CACNA2D1: variants seen among roughly 807,000 people sequenced by gnomAD.
CACNA2D1 encodes the protein voltage-dependent calcium channel subunit alpha-2/delta-1.
A neutral mutation model predicts 171.5 loss-of-function variants in CACNA2D1; 53 were observed. The ratio of observed to expected loss-of-function variants is 0.31; its 90% CI spans 0.25 to 0.39. The LOEUF is 0.39. Ranked by LOEUF, CACNA2D1 falls within the 10% of genes least tolerant of loss-of-function variation. CACNA2D1 has a pLI of 1.00. For synonymous variants in CACNA2D1, 442 were observed against 443.1 expected, an observed-to-expected ratio of 1.00 and a Z score of 0.03; for missense variants, 903 against 1,299.8, an observed-to-expected ratio of 0.69 and a Z score of 4.69.
chr7:82,104,585 C>T (rs1356028939), intron 6 of CACNA2D1, among the ~76,000 whole-genome samples: 1 of 151,928 alleles, frequency 6.6e-6, no homozygotes, highest in Non-Finnish European at 1.5e-5. Context: ...TTTCTTACCC[C>T]TTATTTTTGG....
chr7:82,271,748 T>C (rs1348476252), intron 3 of CACNA2D1, among the ~76,000 whole-genome samples: 1 of 152,136 alleles, frequency 6.6e-6, no homozygotes, highest in Non-Finnish European at 1.5e-5. Context: ...GGTAAATGGC[T>C]AGACCAGCAA....
intron 2 of CACNA2D1, among the ~76,000 whole-genome samples, chr7:82,342,005 G>C (rs1364880165): frequency 7.4e-6 from 1 of 135,846 alleles, no homozygotes; most frequent in African/African-American, 2.7e-5. Flanking sequence ...AGTGAGCTGA[G>C]ATCGCGCCAC....
chr7:82,079,706 A>AG (rs1809455687), intron 7 of CACNA2D1, among the ~76,000 whole-genome samples: 2 of 151,864 alleles, frequency 1.3e-5, no homozygotes, highest in African/African-American at 2.4e-5. Flanking sequence ...AAAAAAAAAA[A>AG]AAAGTTGACG....
chr7:82,087,651 C>T (rs1810634778), intron 6 of CACNA2D1, among the ~76,000 whole-genome samples: 1 of 151,720 alleles, frequency 6.6e-6, no homozygotes, highest in Non-Finnish European at 1.5e-5. Context: ...GGTTATCTGC[C>T]TATATTTTTC....
At chr7:82,128,489 C>A (rs1367739766) in intron 5 of CACNA2D1, among the ~76,000 whole-genome samples, 1 of 152,158 alleles carries the variant, frequency 6.6e-6, no homozygotes, top group Non-Finnish European at 1.5e-5. Context: ...AACTTTCCCA[C>A]AAACTGACTA....
chr7:82,415,047 G>A (rs751197892), intron 1 of CACNA2D1, among the ~76,000 whole-genome samples: 14 of 152,034 alleles, frequency 9.2e-5, no homozygotes, highest in African/African-American at 2.2e-4. Context: ...AAAGCCTAAC[G>A]TTTCTCTTTA....
At chr7:82,209,292 A>C (rs1010032810) in intron 3 of CACNA2D1, among the ~76,000 whole-genome samples, 1 of 152,218 alleles carries the variant, frequency 6.6e-6, no homozygotes, top group Non-Finnish European at 1.5e-5. Context: ...TCATACATCT[A>C]TGTCCACTGA....
intron 10 of CACNA2D1, among the ~76,000 whole-genome samples, chr7:82,041,073 C>T (rs1014830300): frequency 3.3e-5 from 5 of 151,796 alleles, no homozygotes; most frequent in African/African-American, 1.2e-4. Flanking sequence ...GAGGGCAGAA[C>T]GAATGGACAG....
intron 32 of CACNA2D1, 50 bp downstream of exon 32, chr7:81,965,544 C>G (rs202062464): frequency 1.0e-6 from 1 of 953,136 alleles, no homozygotes; most frequent in Non-Finnish European, 1.7e-6. Context: ...AATGTTGATC[C>G]GGGAAACACA....
At chr7:82,340,386 G>C (rs1585566005) in intron 2 of CACNA2D1, among the ~76,000 whole-genome samples, 1 of 150,584 alleles carries the variant, frequency 6.6e-6, no homozygotes, top group Non-Finnish European at 1.5e-5. Flanking sequence ...GTTCAGGCTG[G>C]TCTTGAACTC....
At chr7:82,416,293 T>C (rs1828160691) in intron 1 of CACNA2D1, among the ~76,000 whole-genome samples, 1 of 152,118 alleles carries the variant, frequency 6.6e-6, no homozygotes, top group Admixed American at 6.6e-5. Context: ...TTGTGGTATA[T>C]GACAGTATGC....
At chr7:82,274,731 A>G (rs1393586861) in intron 3 of CACNA2D1, among the ~76,000 whole-genome samples, 2 of 152,166 alleles carry the variant, frequency 1.3e-5, no homozygotes, top group Non-Finnish European at 2.9e-5. Flanking sequence ...TCCACACTCA[A>G]AAGAACACTA....
intron 2 of CACNA2D1, among the ~76,000 whole-genome samples, chr7:82,349,205 G>A (rs1333912423): frequency 6.6e-6 from 1 of 152,068 alleles, no homozygotes; most frequent in Non-Finnish European, 1.5e-5. Context: ...TCCATCACAG[G>A]AGTTCAAGTC....
rs1338235505 is a variant in CACNA2D1, at chr7:81,950,153, G to A, written c.*239C>T. 3.3e-6 allele frequency: 2 copies of A among 614,052 alleles called. No individual in the cohort carries two copies. Among genetic ancestry groups the A allele is most frequent in the East Asian group, 5.8e-5 (2 of 34,306 alleles). 38.0% of individuals were successfully genotyped at this position (614,052 alleles called of 1,614,324 possible). ...AATTTTCCAATAGAGGACACGTATA[G>A]GATTTTGCTTTGATGTTACACATAG... On this transcript the variant is annotated 3_prime_UTR_variant, in exon 39 of 39. Coordinates refer to ENST00000356860, the MANE Select transcript of CACNA2D1 (RefSeq NM_000722.4).
At chr7:82,261,267 T>C (rs577109671) in intron 3 of CACNA2D1, among the ~76,000 whole-genome samples, 1 of 152,198 alleles carries the variant, frequency 6.6e-6, no homozygotes, top group African/African-American at 2.4e-5. Flanking sequence ...GACCACTTTT[T>C]ATAGTGTCTC....
chr7:81,996,593 A>T (rs1562841801), intron 19 of CACNA2D1, among the ~76,000 whole-genome samples: 1 of 151,706 alleles, frequency 6.6e-6, no homozygotes, highest in African/African-American at 2.4e-5. Context: ...TGAAATAAAA[A>T]TACCTATTTC....
At chr7:82,302,890 T>G (rs1169407336) in intron 3 of CACNA2D1, among the ~76,000 whole-genome samples, 2 of 152,192 alleles carry the variant, frequency 1.3e-5, no homozygotes, top group African/African-American at 2.4e-5. Flanking sequence ...TAAAAGATAG[T>G]TTATACAACC....
In CACNA2D1 at chr7:82,265,175, G is replaced by A. The variant is rs78726855; in HGVS notation, c.294+69960C>T. Reference sequence around the variant, plus strand: ...AGGTAGATCTGACAGGCGATACATGGCTGAATGATCTCTTCCCACCTAAAA... The same window carrying A: ...AGGTAGATCTGACAGGCGATACATGACTGAATGATCTCTTCCCACCTAAAA... On this transcript the variant is annotated intron_variant, in intron 3 of 38. Transcript: ENST00000356860. Among the ~76,000 whole-genome samples, 1,034 of 152,266 alleles carry A rather than the reference G, an allele frequency of 6.8e-3. 9 individuals are homozygous for A. The highest frequency in any genetic ancestry group is 0.024 in the African/African-American group (978 of 41,546).
chr7:82,136,518 C>G, intron 5 of CACNA2D1, 117 bp downstream of exon 5: 1 of 690,308 alleles, frequency 1.4e-6, no homozygotes, highest in Non-Finnish European at 2.5e-6. Context: ...TAGTATTTTG[C>G]TCATGCAGTC....
Sources: allele counts gnomAD v4.1 joint callset (sites outside exome capture counted in the v4.1 genomes callset), GRCh38; gene constraint gnomAD v4.1.1; transcripts MANE v1.5; gene names NCBI Gene and HGNC (gene_info 2026-07-23, HGNC 2026-07-21).